The following STPG2 variants were observed in gnomAD, a reference collection of about 807,000 sequenced individuals.
STPG2 encodes sperm tail PG-rich repeat containing 2, also known as sperm-tail PG-rich repeat-containing protein 2.
A neutral mutation model predicts 54.2 loss-of-function variants in STPG2; 56 were observed. The ratio of observed to expected loss-of-function variants is 1.03; its 90% CI spans 0.83 to 1.29. The LOEUF is 1.29. Among genes scored for constraint, STPG2 ranks in the 50% most tolerant of loss-of-function variants. STPG2 has a pLI of 0.00. For synonymous variants in STPG2, 200 were observed against 181.8 expected, an observed-to-expected ratio of 1.10 and a Z score of -0.81; for missense variants, 596 against 544.9, an observed-to-expected ratio of 1.09 and a Z score of -0.93.
chr4:97,536,761 C>T (rs1731541694), intron 4 of STPG2, among the ~76,000 whole-genome samples: 1 of 152,150 alleles, frequency 6.6e-6, no homozygotes, highest in Non-Finnish European at 1.5e-5. Context: ...TGGCCCTTCA[C>T]AGCCAGTCTC....
At chr4:97,879,989 A>G (rs1435095220) in intron 8 of STPG2, among the ~76,000 whole-genome samples, 10 of 152,206 alleles carry the variant, frequency 6.6e-5, no homozygotes, top group Admixed American at 5.9e-4. Context: ...TTGAAGAAAT[A>G]TCTGCATGCC....
intron 4 of STPG2, among the ~76,000 whole-genome samples, chr4:97,511,643 G>A (rs1019619150): frequency 6.6e-5 from 10 of 151,936 alleles, no homozygotes; most frequent in South Asian, 2.1e-4. Flanking sequence ...ATAAAACATC[G>A]TTATGCACAA....
chr4:97,901,942 T>C (rs995128696), intron 8 of STPG2, among the ~76,000 whole-genome samples: 2 of 151,946 alleles, frequency 1.3e-5, no homozygotes, highest in Non-Finnish European at 2.9e-5. Context: ...AACAGTATAG[T>C]ACTGACATAG....
intron 9 of STPG2, among the ~76,000 whole-genome samples, chr4:97,812,352 T>G (rs1727766470): frequency 6.6e-6 from 1 of 152,090 alleles, no homozygotes; most frequent in African/African-American, 2.4e-5. Context: ...TCAGACAGAT[T>G]AGGACTATTC....
rs113578086 is a variant in STPG2 at position 97,977,522 on chromosome 4, C to T, written c.772+3637G>A. ...TATTTCAAGTTTACAATAATAAATA[C>T]TACTGAGCTAGCCTCAAATGGCATT... On this transcript the variant is annotated intron_variant, in intron 6 of 10. Coordinates refer to ENST00000295268, the MANE Select transcript of STPG2 (RefSeq NM_174952.3). Among the ~76,000 whole-genome samples, 858 of 152,212 alleles carry T rather than the reference C, an allele frequency of 5.6e-3. 6 individuals are homozygous for T. Among genetic ancestry groups the T allele is most frequent in the Middle Eastern group, 0.02 (6 of 294 alleles).
At chr4:98,131,675 A>G (rs191208416) in intron 2 of STPG2, among the ~76,000 whole-genome samples, 1 of 152,298 alleles carries the variant, frequency 6.6e-6, no homozygotes, top group Non-Finnish European at 1.5e-5. Context: ...TATTTCAAAG[A>G]GGTAGCCTTT....
rs577176210 is a variant in STPG2 at position 97,540,373 on chromosome 4, A to T, written c.462+172326T>A. 5.5e-3 allele frequency among the ~76,000 whole-genome samples: 838 copies of T among 152,340 alleles called. 7 individuals carry two copies. The highest frequency in any genetic ancestry group is 0.02 in the Middle Eastern group (6 of 294). ...TCTATGCAAATAAACTAGAAAATGT[A>T]GAAGAAATGGATAAATTCCTCGACA... On this transcript the variant is annotated intron_variant, in intron 4 of 4. Coordinates refer to the STPG2 transcript ENST00000522676.
chr4:97,454,385 C>T (rs940405785), intron 4 of STPG2, among the ~76,000 whole-genome samples: 278 of 149,938 alleles, frequency 1.9e-3, no homozygotes, highest in African/African-American at 6.4e-3. Context: ...CGGTGGCGGG[C>T]GCCTGTAGTC....
At chr4:97,853,895 C>T (rs1164936974) in intron 8 of STPG2, among the ~76,000 whole-genome samples, 1 of 152,204 alleles carries the variant, frequency 6.6e-6, no homozygotes, top group African/African-American at 2.4e-5. Context: ...GCTCCTCCCG[C>T]CTCAGCCTCC....
intron 7 of STPG2, among the ~76,000 whole-genome samples, chr4:97,956,065 A>T (rs1190555041): frequency 2.0e-5 from 3 of 152,170 alleles, no homozygotes; most frequent in African/African-American, 7.2e-5. Context: ...AATAAATAAA[A>T]AAAGTAATCC....
intron 9 of STPG2, among the ~76,000 whole-genome samples, chr4:97,750,925 T>A (rs770066307): frequency 1.3e-5 from 2 of 151,708 alleles, no homozygotes; most frequent in Non-Finnish European, 3.0e-5. Context: ...CTTTCCTTCC[T>A]CCATGAGAAA....
chr4:97,774,972 G>A (rs751744195), intron 9 of STPG2, among the ~76,000 whole-genome samples: 29 of 152,182 alleles, frequency 1.9e-4, no homozygotes, highest in Non-Finnish European at 4.1e-4. Flanking sequence ...TCCAAACACA[G>A]GCAATGGTTA....
At chr4:97,823,796 T>C (rs1728166195) in intron 9 of STPG2, among the ~76,000 whole-genome samples, 1 of 152,146 alleles carries the variant, frequency 6.6e-6, no homozygotes, top group Non-Finnish European at 1.5e-5. Flanking sequence ...AGGTAAAAGA[T>C]GGGACTGGAT....
At chr4:97,826,037 G>T (rs1473171672) in intron 9 of STPG2, among the ~76,000 whole-genome samples, 1 of 152,156 alleles carries the variant, frequency 6.6e-6, no homozygotes, top group Non-Finnish European at 1.5e-5. Flanking sequence ...AAGGCCTGGG[G>T]TCATGTGGAG....
intron 4 of STPG2, among the ~76,000 whole-genome samples, chr4:97,482,218 T>G (rs912094655): frequency 2.6e-5 from 4 of 151,616 alleles, no homozygotes; most frequent in Non-Finnish European, 5.9e-5. Flanking sequence ...TGTATGTTAT[T>G]GAATATGATT....
At chr4:97,904,503 A>G (rs1340592795) in intron 8 of STPG2, among the ~76,000 whole-genome samples, 5 of 152,268 alleles carry the variant, frequency 3.3e-5, no homozygotes, top group Non-Finnish European at 5.9e-5. Flanking sequence ...AAAGATGGGG[A>G]AAAAACAGAA....
intron 5 of STPG2, among the ~76,000 whole-genome samples, chr4:98,027,221 T>G (rs551535632): frequency 4.6e-5 from 7 of 152,318 alleles, no homozygotes; most frequent in Admixed American, 2.0e-4. Context: ...TTAATCACAT[T>G]GGAAAGTCTC....
chr4:97,836,234 CTTATT>C (rs1016211230), intron 9 of STPG2, among the ~76,000 whole-genome samples: 1 of 151,856 alleles, frequency 6.6e-6, no homozygotes, highest in African/African-American at 2.4e-5. Context: ...TCATTGTTGT[CTTATT>C]TTAAGAAATT....
At chr4:97,634,736 A>G (rs888224595) in intron 10 of STPG2, among the ~76,000 whole-genome samples, 8 of 152,124 alleles carry the variant, frequency 5.3e-5, no homozygotes, top group Non-Finnish European at 8.8e-5. Context: ...AAGAAAGGGT[A>G]TCAGCAATGG....
Sources: allele counts gnomAD v4.1 joint callset (sites outside exome capture counted in the v4.1 genomes callset), GRCh38; gene constraint gnomAD v4.1.1; transcripts MANE v1.5; gene names NCBI Gene and HGNC (gene_info 2026-07-23, HGNC 2026-07-21).